MYO5B: variants seen among roughly 807,000 people sequenced by gnomAD.
The protein encoded by MYO5B is myosin VB, also known as unconventional myosin-Vb.
MYO5B carries 143 observed loss-of-function variants against 229.3 expected under a neutral mutation model. The ratio of observed to expected loss-of-function variants is 0.62; its 90% confidence interval spans 0.54 to 0.72. The LOEUF is 0.72. Ranked by LOEUF, MYO5B falls within the 30% of genes least tolerant of loss-of-function variation. MYO5B has a pLI of 0.00. For missense variants in MYO5B, 2,321 were observed against 2,331.0 expected (o/e 1.00, Z 0.09); for synonymous variants, 918 against 885.2 (o/e 1.04, Z -0.66).
chr18:49,845,759 G>A (rs2024117589), intron 33 of MYO5B, among the ~76,000 whole-genome samples: 1 of 152,188 alleles, frequency 6.6e-6, no homozygotes, highest in Non-Finnish European at 1.5e-5. Context: ...TGCTGGACTG[G>A]GTTGGTACAG....
chr18:50,130,825 C>T (rs2144546512), intron 1 of MYO5B, among the ~76,000 whole-genome samples: 1 of 152,304 alleles, frequency 6.6e-6, no homozygotes, highest in South Asian at 2.1e-4. Flanking sequence ...GCACTGCTAA[C>T]AGGAAATGGG....
chr18:50,121,028 G>C (rs1483797009), intron 1 of MYO5B, among the ~76,000 whole-genome samples: 1 of 152,166 alleles, frequency 6.6e-6, no homozygotes, highest in African/African-American at 2.4e-5. Context: ...AGATGCACCT[G>C]CTCTCCTCTG....
intron 1 of MYO5B, among the ~76,000 whole-genome samples, chr18:50,173,069 G>A (rs1015471613): frequency 6.6e-6 from 1 of 152,128 alleles, no homozygotes; most frequent in Non-Finnish European, 1.5e-5. Flanking sequence ...TTCAAGACCA[G>A]CCTGGCCAAC....
At chr18:49,849,695 C>A (rs1191608144) in intron 31 of MYO5B, 35 bp from the exon 32 acceptor site, 8 of 1,541,488 alleles carry the variant, frequency 5.2e-6, no homozygotes, top group Non-Finnish European at 7.2e-6. Flanking sequence ...GAACAGACAT[C>A]AGCCCGGCCT....
chr18:49,990,790 G>T (rs2025923828), intron 6 of MYO5B, among the ~76,000 whole-genome samples: 1 of 152,080 alleles, frequency 6.6e-6, no homozygotes, highest in South Asian at 2.1e-4. Context: ...GGACATCATT[G>T]CTCTTCACAA....
chr18:49,843,184 A>G lies in MYO5B; in HGVS notation c.4611+57T>C, dbSNP rs1000663431. 3.7e-6 allele frequency: 6 copies of G among 1,604,562 alleles called. No individual in the cohort carries two copies. In the African/African-American group the frequency reaches 8.0e-5, roughly 21 times the overall value. ...ACCCAGACACAGAGAAGCAACAGTAAGGGGCTGGCTTCACTCTACCCACCA... is the reference window on the plus strand; with the variant it reads ...ACCCAGACACAGAGAAGCAACAGTAGGGGGCTGGCTTCACTCTACCCACCA... On this transcript the variant is annotated intron_variant, in intron 34 of 39. Coordinates refer to ENST00000285039, the MANE Select transcript of MYO5B (RefSeq NM_001080467.3).
intron 17 of MYO5B, among the ~76,000 whole-genome samples, 161 bp downstream of exon 17, chr18:49,929,351 G>A (rs367677095): frequency 6.6e-5 from 10 of 152,298 alleles, no homozygotes; most frequent in African/African-American, 2.4e-4. Context: ...AGGCTAATGT[G>A]AGAGTCTCAT....
At position 50,109,938 on chromosome 18, in the gene MYO5B, C is replaced by T. The variant is rs80161470; in HGVS notation, c.28-54560G>A. 3.9e-4 allele frequency among the ~76,000 whole-genome samples: 59 copies of T among 152,256 alleles called. 1 individual carries two copies. The East Asian group carries it at 5.8e-3, about 15-fold the overall frequency. ...ATCCTCCACGGGTTCCCCATCCCAGCGAAAGTCAAACCCTTGCAGCAGCCT... is the reference window on the plus strand; with the variant it reads ...ATCCTCCACGGGTTCCCCATCCCAGTGAAAGTCAAACCCTTGCAGCAGCCT... On this transcript the variant is annotated intron_variant, in intron 1 of 39. Transcript: ENST00000285039.
Position 49,895,276 on chromosome 18 carries a change from C to G in MYO5B, c.2812-102G>C, listed in dbSNP as rs1370976945. 2.0e-5 allele frequency: 19 copies of G among 948,606 alleles called. No individual in the cohort carries two copies. In the East Asian group the frequency reaches 4.6e-4, roughly 23 times the overall value. The allele number at this position is 948,606 out of a possible 1,614,324, so 58.8% of individuals were successfully genotyped here. ...ATGAAGGCAATCAAAAAAGGAACTTCCAAGGTAGGATTAAGTCTCACAATC... is the reference window on the plus strand; with the variant it reads ...ATGAAGGCAATCAAAAAAGGAACTTGCAAGGTAGGATTAAGTCTCACAATC... On this transcript the variant is annotated intron_variant, in intron 21 of 39. Transcript: ENST00000285039.
chr18:50,129,789 C>T lies in MYO5B; in HGVS notation c.27+64978G>A, dbSNP rs945821063. Among the ~76,000 whole-genome samples the T allele has an allele frequency of 5.3e-5, 8 of 152,182 alleles. No individual in the cohort carries two copies. The East Asian group carries it at 1.5e-3, about 29-fold the overall frequency. On this transcript the variant is annotated intron_variant, in intron 1 of 39. Transcript: ENST00000285039. The stretch of plus-strand genomic sequence containing the variant: ...AAGTTCAAAAATCCTCTATACCTTG[C>T]ATCTCTAAACCAAATCATGGGACTA...
intron 1 of MYO5B, among the ~76,000 whole-genome samples, chr18:50,081,309 T>G (rs987125302): frequency 6.6e-6 from 1 of 152,198 alleles, no homozygotes; most frequent in South Asian, 2.1e-4. Context: ...TCCAAGCCCA[T>G]GCTCCCAATG....
chr18:49,873,373 TC>T (rs77894339), intron 26 of MYO5B, among the ~76,000 whole-genome samples: 36,536 of 152,066 alleles, frequency 0.24, 4,516 homozygotes, highest in East Asian at 0.42. Flanking sequence ...CAGTGTTAAG[TC>T]CTCCCACTGT....
intron 1 of MYO5B, among the ~76,000 whole-genome samples, chr18:50,165,189 C>A (rs530965774): frequency 3.9e-5 from 6 of 152,322 alleles, no homozygotes; most frequent in South Asian, 2.1e-4. Flanking sequence ...TTTAAAATAA[C>A]CTGGGCCAGG....
At chr18:50,118,925 G>C (rs139549346) in intron 1 of MYO5B, among the ~76,000 whole-genome samples, 2 of 152,276 alleles carry the variant, frequency 1.3e-5, no homozygotes, top group East Asian at 1.9e-4. Context: ...CTTAGACCAC[G>C]GCTCACCTAT....
intron 35 of MYO5B, chr18:49,840,193 C>G (rs1348871549): frequency 6.6e-5 from 10 of 152,218 alleles, no homozygotes; most frequent in Admixed American, 6.5e-4. Flanking sequence ...TATAACCTCC[C>G]ATTTAGAATG....
intron 4 of MYO5B, among the ~76,000 whole-genome samples, chr18:50,003,056 A>C (rs1033151174): frequency 3.3e-5 from 5 of 152,172 alleles, no homozygotes; most frequent in Non-Finnish European, 7.4e-5. Flanking sequence ...TGGTCCAATT[A>C]GAGACGGCCT....
rs1334620321 is a variant in MYO5B at position 49,936,301 on chromosome 18, G to A, written c.1954C>T (p.Pro652Ser). Residue 652 changes from proline (P) to serine (S), a missense_variant, in exon 16 of 40, where the codon CCT becomes TCT. Physicochemically the swap from Pro to Ser is moderately conservative, Grantham distance 74. Around this residue, in one of 2 missense-constraint regions of MYO5B, gnomAD observed 2,113 missense variants for 2,044.7 expected, o/e 1.03. Coordinates refer to ENST00000285039, the MANE Select transcript of MYO5B (RefSeq NM_001080467.3). ...LLMETLNATT[P>S]HYVRCIKPND... ...GGCTTGATGCAGCGGACATAGTGAG[G>A]TGTCGTGGCATTCAGGGTCTCCATG... is the stretch of plus-strand genomic sequence containing the variant. The A allele has an allele frequency of 1.2e-6, 2 of 1,604,430 alleles. No individual in the cohort carries two copies. Among genetic ancestry groups the A allele is most frequent in the African/African-American group, 1.3e-5 (1 of 74,836 alleles).
At chr18:49,990,133 A>G (rs1404761796) in intron 7 of MYO5B, among the ~76,000 whole-genome samples, 1 of 152,224 alleles carries the variant, frequency 6.6e-6, no homozygotes. Context: ...ATTTCCTATG[A>G]TGCTTAAAGT....
At chr18:50,194,661 G>T (rs1245253659) in intron 1 of MYO5B, 106 bp downstream of exon 1, 3 of 769,700 alleles carry the variant, frequency 3.9e-6, no homozygotes, top group South Asian at 3.3e-5. Flanking sequence ...GGGGTCTCCC[G>T]TCACCTCCCG....
Sources: allele counts gnomAD v4.1 joint callset (sites outside exome capture counted in the v4.1 genomes callset), GRCh38; gene constraint gnomAD v4.1.1; regional missense constraint gnomAD v4.1.1; transcripts MANE v1.5; gene names NCBI Gene and HGNC (gene_info 2026-07-23, HGNC 2026-07-21).